Variants in DOCK4 observed in about 807,000 individuals in gnomAD.
The protein encoded by DOCK4 is dedicator of cytokinesis 4, also known as dedicator of cytokinesis protein 4.
Under a neutral mutation model 268.1 loss-of-function variants are expected in DOCK4, and 97 were observed. That is an observed-to-expected ratio of 0.36 (90% CI 0.31 to 0.43). The LOEUF (loss-of-function observed/expected upper bound fraction) is 0.43, where lower values mean the gene tolerates loss of function less well. Among genes scored for constraint, DOCK4 ranks in the 20% least tolerant of loss-of-function variants. DOCK4 has a pLI of 1.00. For missense variants in DOCK4, 2,145 were observed against 2,455.7 expected, an observed-to-expected ratio of 0.87 and a Z score of 2.67; for synonymous variants, 954 against 887.2, an observed-to-expected ratio of 1.08 and a Z score of -1.34.
chr7:112,105,685 C>CTTTTTTTTTTTTTTTTTTTTTTTTT (rs752689972), intron 1 of DOCK4, among the ~76,000 whole-genome samples: 1 of 135,776 alleles, frequency 7.4e-6, no homozygotes, highest in African/African-American at 2.7e-5. Flanking sequence ...CCTCCTCTTC[C>CTTTTTTTTTTTTTTTTTTTTTTTTT]TTTTTTTTTT....
rs111327332 is a variant in DOCK4 at position 112,185,401 on chromosome 7, T to C, written c.37+20701A>G. The stretch of plus-strand genomic sequence containing the variant: ...TTGCTGTGTCTTAACTGTCTCATCA[T>C]GAATACAGGAACAACTCTCTCTGTC... On this transcript the variant is annotated intron_variant, in intron 1 of 52. Transcript: ENST00000428084. 7.2e-5 allele frequency among the ~76,000 whole-genome samples: 11 copies of C among 152,310 alleles called. 2 individuals are homozygous for C. Among genetic ancestry groups the C allele is most frequent in the African/African-American group, 2.2e-4 (9 of 41,564 alleles).
At chr7:112,100,328 G>A (rs942014530) in intron 1 of DOCK4, among the ~76,000 whole-genome samples, 5 of 152,312 alleles carry the variant, frequency 3.3e-5, no homozygotes, top group African/African-American at 1.2e-4. Context: ...ATTCACTGTG[G>A]AATAGATACG....
intron 25 of DOCK4, among the ~76,000 whole-genome samples, chr7:111,843,598 G>C (rs958668934): frequency 6.6e-6 from 1 of 152,160 alleles, no homozygotes; most frequent in African/African-American, 2.4e-5. Flanking sequence ...TATTGAGAAA[G>C]TGGACGATTC....
Position 111,730,578 on chromosome 7 carries a change from C to G in DOCK4, c.5481+1648G>C, listed in dbSNP as rs186305367. Among the ~76,000 whole-genome samples the G allele has an allele frequency of 9.2e-5, 14 of 152,160 alleles. No homozygotes were observed. The East Asian group carries it at 2.7e-3, about 29-fold the overall frequency. The stretch of plus-strand genomic sequence containing the variant: ...GTTAGACCTGAAATTCAAAATATGG[C>G]AGGTCAGCTCAGTCTTCGCTGTAGG... On this transcript the variant is annotated intron_variant, in intron 52 of 52. Coordinates refer to ENST00000428084, the MANE Select transcript of DOCK4 (RefSeq NM_001363540.2).
At chr7:112,079,213 A>C (rs1254572182) in intron 1 of DOCK4, among the ~76,000 whole-genome samples, 1 of 152,164 alleles carries the variant, frequency 6.6e-6, no homozygotes, top group African/African-American at 2.4e-5. Context: ...AGTTATACAA[A>C]TACAAGTGAA....
chr7:111,999,042 A>C (rs537029186), intron 3 of DOCK4, among the ~76,000 whole-genome samples: 165 of 152,172 alleles, frequency 1.1e-3, no homozygotes, highest in Non-Finnish European at 1.4e-3. Context: ...TTCTGATGGA[A>C]CAGAAATCAA....
At chr7:111,963,254 G>A (rs192065497) in intron 8 of DOCK4, among the ~76,000 whole-genome samples, 119 of 151,256 alleles carry the variant, frequency 7.9e-4, no homozygotes, top group African/African-American at 1.5e-3. Context: ...CAGCGTGAGC[G>A]ACGCAGAAGA....
intron 12 of DOCK4, among the ~76,000 whole-genome samples, chr7:111,931,766 GGC>G (rs1794220690): frequency 6.6e-6 from 1 of 152,172 alleles, no homozygotes; most frequent in Non-Finnish European, 1.5e-5. Context: ...TTCAGCTAGT[GGC>G]TTTAAAGTGG....
intron 1 of DOCK4, among the ~76,000 whole-genome samples, chr7:112,116,772 C>CTTT (rs1453739363): frequency 1.3e-5 from 2 of 152,058 alleles, no homozygotes; most frequent in Non-Finnish European, 2.9e-5. Context: ...CTTTTCTTTT[C>CTTT]TCTTTTTTGT....
chr7:112,035,101 T>C (rs55963629), intron 1 of DOCK4, among the ~76,000 whole-genome samples: 42,145 of 152,032 alleles, frequency 0.28, 7,557 homozygotes, highest in Non-Finnish European at 0.41. Flanking sequence ...GAGTTCTCCC[T>C]ACCCTCACAC....
At chr7:112,004,722 CTTTA>C (rs1187001655) in intron 1 of DOCK4, among the ~76,000 whole-genome samples, 2 of 152,162 alleles carry the variant, frequency 1.3e-5, no homozygotes, top group Non-Finnish European at 2.9e-5. Context: ...AACGGAGACA[CTTTA>C]TTTAGTAATG....
chr7:112,205,913 G>A (rs757197), intron 1 of DOCK4, among the ~76,000 whole-genome samples, 189 bp downstream of exon 1: 35,080 of 152,066 alleles, frequency 0.23, 5,324 homozygotes, highest in East Asian at 0.59. Flanking sequence ...CCGAGCAGGC[G>A]GTGCGGGGCG....
intron 16 of DOCK4, among the ~76,000 whole-genome samples, chr7:111,881,657 T>G (rs1217594754): frequency 1.3e-5 from 2 of 152,174 alleles, no homozygotes; most frequent in African/African-American, 2.4e-5. Context: ...TCACAATAGC[T>G]AAGACTTGGA....
At chr7:112,102,576 AGACCCCATAAAACT>A (rs1563086442) in intron 1 of DOCK4, among the ~76,000 whole-genome samples, 1 of 152,220 alleles carries the variant, frequency 6.6e-6, no homozygotes, top group Non-Finnish European at 1.5e-5. Flanking sequence ...CTTTAAAAAC[AGACCCCATAAAACT>A]GACCCCAGAG....
At position 112,155,797 on chromosome 7, in the gene DOCK4, T is replaced by C. The variant is rs1248915486; in HGVS notation, c.37+50305A>G. Among the ~76,000 whole-genome samples, 7 of 152,184 alleles carry C rather than the reference T, an allele frequency of 4.6e-5. No individual in the cohort carries two copies. In the East Asian group the frequency reaches 1.3e-3, roughly 29 times the overall value. On this transcript the variant is annotated intron_variant, in intron 1 of 52. Coordinates refer to ENST00000428084, the MANE Select transcript of DOCK4 (RefSeq NM_001363540.2). ...CTTTTCCAGAGGCAGCCTATCATCA[T>C]CCAAAAGAACTTTCTGTGATAATGG...
At chr7:112,175,904 T>C (rs1818470151) in intron 1 of DOCK4, among the ~76,000 whole-genome samples, 1 of 152,228 alleles carries the variant, frequency 6.6e-6, no homozygotes, top group African/African-American at 2.4e-5. Context: ...CTCTATAGTT[T>C]GAATTCATTC....
At chr7:112,169,686 AGT>A (rs960008667) in intron 1 of DOCK4, among the ~76,000 whole-genome samples, 2 of 152,144 alleles carry the variant, frequency 1.3e-5, no homozygotes, top group Non-Finnish European at 2.9e-5. Flanking sequence ...TGTAGCCTTT[AGT>A]GAGAATTCTG....
At chr7:111,926,150 GAGAAAAAGAA>G (rs1443911295) in intron 12 of DOCK4, among the ~76,000 whole-genome samples, 1 of 139,396 alleles carries the variant, frequency 7.2e-6, no homozygotes, top group Non-Finnish European at 1.5e-5. Context: ...GAAAGAAAAA[GAGAAAAAGAA>G]AGAAAAAGAA....
At chr7:111,988,918 GA>G in intron 6 of DOCK4, 96 bp downstream of exon 6, 2 of 1,478,002 alleles carry the variant, frequency 1.4e-6, no homozygotes, top group Non-Finnish European at 1.8e-6. Flanking sequence ...AAGCCCATAG[GA>G]TTGCTTCCAG....
Sources: gnomAD v4.1 joint callset for allele counts (sites outside exome capture counted in the v4.1 genomes callset) on GRCh38, gnomAD v4.1.1 for gene constraint, MANE v1.5 for transcripts, NCBI Gene and HGNC (gene_info 2026-07-23, HGNC 2026-07-21) for gene names.